Variants in TMEM255B observed in about 807,000 individuals in gnomAD.
TMEM255B encodes the protein family with sequence similarity 70, member B.
Under a neutral mutation model 34.5 loss-of-function variants are expected in TMEM255B, and 35 were observed. That is an observed-to-expected ratio of 1.01 (90% CI 0.77 to 1.34). The LOEUF (loss-of-function observed/expected upper bound fraction) is 1.34. TMEM255B is among the 40% of genes most tolerant of loss of function. The pLI is 0.00. For synonymous variants in TMEM255B, 206 were observed against 201.2 expected, an observed-to-expected ratio of 1.02 and a Z score of -0.20; for missense variants, 432 against 433.2, an observed-to-expected ratio of 1.00 and a Z score of 0.02.
intron 8 of TMEM255B, among the ~76,000 whole-genome samples, chr13:113,808,450 C>G (rs567744511): frequency 3.3e-4 from 50 of 152,302 alleles, no homozygotes; most frequent in African/African-American, 1.2e-3. Context: ...GTGGTTAACC[C>G]CGTGGTCCCA....
At chr13:113,808,814 T>G (rs2051240129) in intron 8 of TMEM255B, among the ~76,000 whole-genome samples, 1 of 115,058 alleles carries the variant, frequency 8.7e-6, no homozygotes, top group Non-Finnish European at 1.7e-5. Context: ...TACTCCATGT[T>G]TCCTGGGGGT....
chr13:113,813,275 C>G lies in TMEM255B; in HGVS notation c.*1372C>G, dbSNP rs2051363364. On this transcript the variant is annotated 3_prime_UTR_variant, in exon 9 of 9. Coordinates refer to ENST00000375353, the MANE Select transcript of TMEM255B (RefSeq NM_182614.4). ...TCACGGTTCCCCAGTCACTCCCTCT[C>G]CCCTCGGAAGCTGGCGCCTCCAGGC... 6.6e-6 allele frequency: 1 copy of G among 152,332 alleles called. No individual in the cohort carries two copies. Among genetic ancestry groups the G allele is most frequent in the Non-Finnish European group, 1.5e-5 (1 of 68,146 alleles). The allele number at this position is 152,332 out of a possible 1,614,324, so 9.4% of individuals were successfully genotyped here.
At chr13:113,779,631 G>T (rs865944782) in intron 3 of TMEM255B, among the ~76,000 whole-genome samples, 2 of 152,178 alleles carry the variant, frequency 1.3e-5, no homozygotes, top group East Asian at 1.9e-4. Flanking sequence ...CTCTGTTTGG[G>T]GGCGTAGAGG....
Position 113,816,506 on chromosome 13 carries a change from G to C in TMEM255B, c.*4603G>C. 6.5e-6 allele frequency: 1 copy of C among 153,630 alleles called. No homozygotes were observed. Among genetic ancestry groups the C allele is most frequent in the South Asian group, 1.9e-4 (1 of 5,242 alleles). The allele number at this position is 153,630 out of a possible 1,614,324, so 9.5% of individuals were successfully genotyped here. On this transcript the variant is annotated 3_prime_UTR_variant, in exon 9 of 9. Transcript: ENST00000375353. ...GGATGTTGTGAAGATGGCCTTATGGGGCTGCACTGGTGACTTGGACAGTGC... is the reference window on the plus strand; with the variant it reads ...GGATGTTGTGAAGATGGCCTTATGGCGCTGCACTGGTGACTTGGACAGTGC...
intron 1 of TMEM255B, among the ~76,000 whole-genome samples, chr13:113,764,316 T>C (rs749033088): frequency 2.6e-5 from 4 of 152,224 alleles, no homozygotes; most frequent in Admixed American, 6.5e-5. Context: ...GTGTGACCCC[T>C]GCAGAAGCTG....
At chr13:113,787,186 G>A (rs1414413790) in intron 3 of TMEM255B, among the ~76,000 whole-genome samples, 3 of 152,210 alleles carry the variant, frequency 2.0e-5, no homozygotes, top group Non-Finnish European at 4.4e-5. Context: ...AGTCAGCCAC[G>A]TGCACGCGCA....
intron 5 of TMEM255B, among the ~76,000 whole-genome samples, chr13:113,800,267 G>A (rs1212153234): frequency 2.2e-5 from 3 of 138,832 alleles, no homozygotes; most frequent in Non-Finnish European, 3.1e-5. Flanking sequence ...GTGTGTGGAG[G>A]TGTCCTGTGT....
intron 2 of TMEM255B, 135 bp from the exon 3 acceptor site, chr13:113,768,963 T>A (rs2050435306): frequency 3.3e-6 from 3 of 918,364 alleles, no homozygotes; most frequent in Non-Finnish European, 5.3e-6. Context: ...TGGTTGAGGT[T>A]CTTGAGGTAG....
At position 113,812,123 on chromosome 13, in the gene TMEM255B, C is replaced by T. The variant is rs1211314419; in HGVS notation, c.*220C>T. ...GGCTGGTGACACCTTGGCTTGGGCT[C>T]TGCTCACATCAAATGGCGCTGAAAG... On this transcript the variant is annotated 3_prime_UTR_variant, in exon 9 of 9. Transcript: ENST00000375353. The T allele has an allele frequency of 3.4e-6, 2 of 588,600 alleles. No homozygotes were observed. The highest frequency in any genetic ancestry group is 3.1e-5 in the East Asian group (1 of 32,346). The allele number at this position is 588,600 out of a possible 1,614,324, so 36.5% of individuals were successfully genotyped here. A position where few individuals can be genotyped will look rare whatever the true frequency, so the allele number is the denominator to read the frequency against.
rs1244125606 is a variant in TMEM255B at position 113,806,955 on chromosome 13, C to A, written c.813+1927C>A. Among the ~76,000 whole-genome samples the A allele has an allele frequency of 3.9e-4, 59 of 152,334 alleles. No individual in the cohort carries two copies. Among genetic ancestry groups the A allele is most frequent in the Non-Finnish European group, 2.9e-5 (2 of 68,004 alleles). ...CAAGAACGTGCAGCCCAGAGCATAGCCTCGGTGGCCCATGCTGTCTTCCAT... is the reference window on the plus strand; with the variant it reads ...CAAGAACGTGCAGCCCAGAGCATAGACTCGGTGGCCCATGCTGTCTTCCAT... On this transcript the variant is annotated intron_variant, in intron 8 of 8. Coordinates refer to ENST00000375353, the MANE Select transcript of TMEM255B (RefSeq NM_182614.4). The surrounding 1 kb of genome is among the most constrained non-coding windows in gnomAD (Gnocchi z 4.2).
At chr13:113,777,355 G>GCCA (rs1315601072) in intron 3 of TMEM255B, among the ~76,000 whole-genome samples, 7 of 152,106 alleles carry the variant, frequency 4.6e-5, no homozygotes, top group Non-Finnish European at 1.0e-4. Flanking sequence ...CCAGCCTCTT[G>GCCA]CCAGCTATGT....
chr13:113,762,508 G>A (rs376833005), intron 1 of TMEM255B, among the ~76,000 whole-genome samples: 1 of 152,162 alleles, frequency 6.6e-6, no homozygotes, highest in Non-Finnish European at 1.5e-5. Flanking sequence ...TAGCAGATGG[G>A]GGGGAAGTTA....
chr13:113,776,313 A>G (rs183923516), intron 3 of TMEM255B, among the ~76,000 whole-genome samples: 5 of 152,266 alleles, frequency 3.3e-5, no homozygotes, highest in African/African-American at 1.2e-4. Context: ...TTACAGGAAA[A>G]TCAACCAAGT....
Position 113,774,783 on chromosome 13 carries a change from AC to A in TMEM255B, c.252+5624del, listed in dbSNP as rs2050540800. On this transcript the variant is annotated intron_variant, in intron 3 of 8. Coordinates refer to ENST00000375353, the MANE Select transcript of TMEM255B (RefSeq NM_182614.4). ...ACACACCACACACAACACACAATAC[AC>A]AATACACGCTCCACACAATACACTA... Among the ~76,000 whole-genome samples, 3 of 149,752 alleles carry A rather than the reference AC, an allele frequency of 2.0e-5. No homozygotes were observed. In the South Asian group the frequency reaches 6.4e-4, roughly 32 times the overall value.
chr13:113,780,517 C>T (rs896275421), intron 3 of TMEM255B, among the ~76,000 whole-genome samples: 2 of 152,170 alleles, frequency 1.3e-5, no homozygotes, highest in African/African-American at 4.8e-5. Flanking sequence ...TTCCTTGACT[C>T]TGAAAAGCAA....
At position 113,766,185 on chromosome 13, in the gene TMEM255B, A is replaced by G. The variant is rs1389863929; in HGVS notation, c.117A>G (p.Ile39Met). 3.7e-6 allele frequency: 6 copies of G among 1,614,064 alleles called. No homozygotes were observed. The highest frequency in any genetic ancestry group is 1.3e-5 in the African/African-American group (1 of 74,924). Reference protein sequence around the residue: ...VGSLLLVSVLIVTVGLAATTR... With the variant: ...VGSLLLVSVLMVTVGLAATTR... ...CTCTGCTGCTGGTGTCCGTCCTCAT[A>G]GTCACCGTCGGGCTGGCTGCCACCA... The change falls in exon 2 of 9, where the codon ATA becomes ATG. Residue 39 changes from isoleucine (I) to methionine (M), a missense_variant. Coordinates refer to ENST00000375353, the MANE Select transcript of TMEM255B (RefSeq NM_182614.4).
At chr13:113,764,177 A>T (rs1281786816) in intron 1 of TMEM255B, among the ~76,000 whole-genome samples, 3 of 152,162 alleles carry the variant, frequency 2.0e-5, no homozygotes, top group Non-Finnish European at 4.4e-5. Flanking sequence ...CTGGGGGAGC[A>T]TGACTTTAAC....
chr13:113,788,458 CAG>C (rs1036614061), intron 3 of TMEM255B, among the ~76,000 whole-genome samples: 9 of 151,822 alleles, frequency 5.9e-5, no homozygotes, highest in Non-Finnish European at 1.0e-4. Context: ...GGTGGGGGCT[CAG>C]GGGTTGCACT....
intron 2 of TMEM255B, chr13:113,768,370 C>T (rs1215288548): frequency 2.0e-5 from 8 of 405,492 alleles, no homozygotes; most frequent in East Asian, 1.5e-4. Flanking sequence ...TGCGGATGCC[C>T]GGCCGGTGGC....
Sources: gnomAD v4.1 joint callset for allele counts (sites outside exome capture counted in the v4.1 genomes callset) on GRCh38, gnomAD v4.1.1 for gene constraint, Gnocchi (gnomAD v3.1) non-coding constraint, MANE v1.5 for transcripts, NCBI Gene and HGNC (gene_info 2026-07-23, HGNC 2026-07-21) for gene names.